MRPS30: variants seen among roughly 807,000 people sequenced by gnomAD.
The protein encoded by MRPS30 is large ribosomal subunit protein mL65.
A neutral mutation model predicts 43.8 loss-of-function variants in MRPS30; 42 were observed. The observed-to-expected ratio is 0.96, with a 90% confidence interval of 0.75 to 1.24. The LOEUF is 1.24. Among genes scored for constraint, MRPS30 ranks in the 50% most tolerant of loss-of-function variants. The probability of loss-of-function intolerance (pLI) is 0.00; values close to 1 mark genes in which losing one functional copy is unlikely to be tolerated. For missense variants in MRPS30, 638 were observed against 570.0 expected, an observed-to-expected ratio of 1.12 and a Z score of -1.22; for synonymous variants, 273 against 228.2, an observed-to-expected ratio of 1.20 and a Z score of -1.77.
chr5:44,810,946 C>G lies in MRPS30; in HGVS notation c.602-63C>G. On this transcript the variant is annotated intron_variant, in intron 1 of 4. Coordinates refer to ENST00000507110, the MANE Select transcript of MRPS30 (RefSeq NM_016640.4). ...TGCTAAGTTAGTACTCTTTAGTGTTCTAATAGTAACCAAATTTATTTAGAT... is the reference window on the plus strand; with the variant it reads ...TGCTAAGTTAGTACTCTTTAGTGTTGTAATAGTAACCAAATTTATTTAGAT... 3 of 1,468,222 alleles carry G rather than the reference C, an allele frequency of 2.0e-6. No homozygotes were observed. In the South Asian group the frequency reaches 3.6e-5, roughly 18 times the overall value. The allele number at this position is 1,468,222 out of a possible 1,614,324, so 90.9% of individuals were successfully genotyped here.
At chr5:44,811,512 GGGCCA>G (rs1742838898) in intron 2 of MRPS30, among the ~76,000 whole-genome samples, 2 of 152,136 alleles carry the variant, frequency 1.3e-5, no homozygotes, top group Non-Finnish European at 2.9e-5. Flanking sequence ...GTTATCAACT[GGGCCA>G]TTTTACATAT....
In MRPS30 at chr5:44,811,112, T is replaced by G; in HGVS notation, c.705T>G (p.Asp235Glu). 1 of 1,614,056 alleles carries G rather than the reference T, an allele frequency of 6.2e-7. No homozygotes were observed. The highest frequency in any genetic ancestry group is 8.5e-7 in the Non-Finnish European group (1 of 1,179,950). ...RIDDLRYQID[D>E]KPNNQIRISK... is the part of the protein sequence containing the mutation. ...ATGACTTGCGATACCAGATAGATGA[T>G]AAACCAAACAACCAGATTCGAATAT... Residue 235 changes from aspartate (D) to glutamate (E), a missense_variant, in exon 2 of 5, where the codon GAT becomes GAG. Asp to Glu is a conservative substitution (Grantham distance 45, BLOSUM62 2). Coordinates refer to ENST00000507110, the MANE Select transcript of MRPS30 (RefSeq NM_016640.4).
At chr5:44,810,295 G>A (rs1254616201) in intron 1 of MRPS30, among the ~76,000 whole-genome samples, 1 of 152,186 alleles carries the variant, frequency 6.6e-6, no homozygotes, top group Non-Finnish European at 1.5e-5. Context: ...TAAGAGATTA[G>A]GGGGTCAAAC....
chr5:44,812,562 A>T (rs981536525), intron 3 of MRPS30, among the ~76,000 whole-genome samples: 28 of 152,188 alleles, frequency 1.8e-4, no homozygotes, highest in African/African-American at 6.0e-4. Flanking sequence ...CTGTGGTCTT[A>T]GGGAGTGACC....
Position 44,815,347 on chromosome 5 carries a change from T to C in MRPS30, c.*145T>C. 1.4e-6 allele frequency: 1 copy of C among 694,688 alleles called. No homozygotes were observed. The highest frequency in any genetic ancestry group is 2.6e-5 in the South Asian group (1 of 37,760). The allele number at this position is 694,688 out of a possible 1,614,324, so 43.0% of individuals were successfully genotyped here. ...GTCAACCTGTTATTAGATCTCTTAC[T>C]CTGCTCAAATTCATCACTGAAAGAT... On this transcript the variant is annotated 3_prime_UTR_variant, in exon 5 of 5. Transcript: ENST00000507110.
At chr5:44,812,096 A>G in intron 3 of MRPS30, 76 bp downstream of exon 3, 1 of 988,188 alleles carries the variant, frequency 1.0e-6, no homozygotes, top group Non-Finnish European at 1.5e-6. Flanking sequence ...ATTGACTACA[A>G]TGAGGAATTA....
chr5:44,809,336 C>T lies in MRPS30; in HGVS notation c.374C>T (p.Pro125Leu). The change falls in exon 1 of 5, where the codon CCC (proline) becomes CTC (leucine). Residue 125 changes from proline to leucine, a missense_variant. By Grantham distance (98) the Pro-to-Leu change is moderately conservative. Coordinates refer to ENST00000507110, the MANE Select transcript of MRPS30 (RefSeq NM_016640.4). ...GGTCTGCCGCCGCCCCCAGCGGAGC[C>T]CGAGCCCGAGCCCGAACCCGAACCT... ...LSGLPPPPAE[P>L]EPEPEPEPEP... is the part of the protein sequence containing the mutation. 3 of 1,608,148 alleles carry T rather than the reference C, an allele frequency of 1.9e-6. No homozygotes were observed. The highest frequency in any genetic ancestry group is 1.3e-5 in the African/African-American group (1 of 74,652).
intron 3 of MRPS30, 49 bp downstream of exon 3, chr5:44,812,069 G>C (rs757479414): frequency 7.4e-7 from 1 of 1,349,978 alleles, no homozygotes. Flanking sequence ...TCCAAGTGTC[G>C]TATGCAAATT....
intron 1 of MRPS30, 62 bp downstream of exon 1, chr5:44,809,625 G>C: frequency 6.9e-7 from 1 of 1,449,600 alleles, no homozygotes; most frequent in South Asian, 1.3e-5. Flanking sequence ...GGGTTACTCT[G>C]CCGCAGATTT....
chr5:44,811,897 C>A lies in MRPS30; in HGVS notation c.748-18C>A. 2.1e-6 allele frequency: 3 copies of A among 1,411,216 alleles called. No homozygotes were observed. The highest frequency in any genetic ancestry group is 1.9e-6 in the Non-Finnish European group (2 of 1,039,614). The allele number at this position is 1,411,216 out of a possible 1,614,324, so 87.4% of individuals were successfully genotyped here. A position where few individuals can be genotyped will look rare whatever the true frequency, so the allele number is the denominator to read the frequency against. The stretch of plus-strand genomic sequence containing the variant: ...TAATGTTGCTGTGAATTTAGTATGT[C>A]TTTTCTTTTTCTTTAAGTTTGTGCC... On this transcript the variant is annotated intron_variant, in intron 2 of 4. Coordinates refer to ENST00000507110, the MANE Select transcript of MRPS30 (RefSeq NM_016640.4).
At position 44,814,873 on chromosome 5, in the gene MRPS30, A is replaced by T. The variant is rs1742893758; in HGVS notation, c.1031-40A>T. The T allele has an allele frequency of 1.9e-6, 3 of 1,539,596 alleles. No individual in the cohort carries two copies. In the African/African-American group the frequency reaches 4.1e-5, roughly 21 times the overall value. ...TGTGATTGTTTTGTTTGGGTAAGAT[A>T]TATTCTATGTGTAAATTTCAGCATA... On this transcript the variant is annotated intron_variant, in intron 4 of 4. Coordinates refer to ENST00000507110, the MANE Select transcript of MRPS30 (RefSeq NM_016640.4).
chr5:44,809,047 A>C lies in MRPS30; in HGVS notation c.85A>C (p.Thr29Pro), dbSNP rs779270630. ...CGCGGCTAATGCCGCCGCCACGGCT[A>C]CAGAAACGACCTGCCAAGACGTCGC... ...HTAANAAATA[T>P]ETTCQDVAAT... The change falls in exon 1 of 5, where the codon ACA becomes CCA. Residue 29 changes from threonine (T) to proline (P), a missense_variant. Coordinates refer to ENST00000507110, the MANE Select transcript of MRPS30 (RefSeq NM_016640.4). 6.2e-7 allele frequency: 1 copy of C among 1,610,792 alleles called. No individual in the cohort carries two copies. Among genetic ancestry groups the C allele is most frequent in the South Asian group, 1.1e-5 (1 of 90,852 alleles).
At chr5:44,809,830 TTGTGAG>T (rs1255647059) in intron 1 of MRPS30, 1 of 448,938 alleles carries the variant, frequency 2.2e-6, no homozygotes, top group African/African-American at 2.0e-5. Flanking sequence ...GGATTCTACT[TTGTGAG>T]TGTTCAGCCA....
rs751131388 is a variant in MRPS30 at position 44,811,149 on chromosome 5, G to A, written c.742G>A (p.Ala248Thr). 9.3e-6 allele frequency: 15 copies of A among 1,613,676 alleles called. No homozygotes were observed. The Admixed American group carries it at 1.0e-4, about 11-fold the overall frequency. ...NNQIRISKQL[A>T]EFVPLDYSVP... Reference sequence around the variant, plus strand: ...CCAGATTCGAATATCCAAGCAACTCGCAGAGGTAAGGATTTATTGCGATTA... The same window carrying A: ...CCAGATTCGAATATCCAAGCAACTCACAGAGGTAAGGATTTATTGCGATTA... The change falls in exon 2 of 5, where the codon GCA becomes ACA. Residue 248 changes from alanine to threonine, a missense_variant. Physicochemically the swap from Ala to Thr is moderately conservative, Grantham distance 58. Transcript: ENST00000507110.
Position 44,809,372 on chromosome 5 carries a change from T to A in MRPS30, c.410T>A (p.Leu137Gln). 4 of 1,608,326 alleles carry A rather than the reference T, an allele frequency of 2.5e-6. No homozygotes were observed. Among genetic ancestry groups the A allele is most frequent in the Non-Finnish European group, 3.4e-6 (4 of 1,177,388 alleles). Residue 137 changes from leucine (L) to glutamine (Q), a missense_variant, in exon 1 of 5, where the codon CTG (leucine) becomes CAG (glutamine). Transcript: ENST00000507110. Reference sequence around the variant, plus strand: ...CCCGAACCCGAACCTGAACCTGCGCTGGACCTCGCGGCGCTGCGTGCGGTC... The same window carrying A: ...CCCGAACCCGAACCTGAACCTGCGCAGGACCTCGCGGCGCTGCGTGCGGTC... ...PEPEPEPEPALDLAALRAVAC... is the reference protein window; with the variant it reads ...PEPEPEPEPAQDLAALRAVAC...
At chr5:44,810,880 A>G in intron 1 of MRPS30, 129 bp from the exon 2 acceptor site, 1 of 748,684 alleles carries the variant, frequency 1.3e-6, no homozygotes, top group Non-Finnish European at 2.1e-6. Context: ...AAATTACCAC[A>G]TAACCCAGAC....
Position 44,809,340 on chromosome 5 carries a change from G to GCCCGAGCCCGAA in MRPS30, c.384_395dup (p.Glu132_Pro135dup), listed in dbSNP as rs1288589933. The GCCCGAGCCCGAA allele has an allele frequency of 3.2e-5, 51 of 1,608,756 alleles. No individual in the cohort carries two copies. The highest frequency in any genetic ancestry group is 7.7e-5 in the South Asian group (7 of 90,620). ...TGCCGCCGCCCCCAGCGGAGCCCGAGCCCGAGCCCGAACCCGAACCTGAAC... is the reference window on the plus strand; with the variant it reads ...TGCCGCCGCCCCCAGCGGAGCCCGAGCCCGAGCCCGAACCCGAGCCCGAACCCGAACCTGAAC... On this transcript the variant is annotated inframe_insertion, in exon 1 of 5. Transcript: ENST00000507110.
Position 44,813,109 on chromosome 5 carries a change from C to G in MRPS30, c.857C>G (p.Ser286Ter). Residue 286 changes from serine (S) to a stop codon, truncating the protein, a stop_gained, in exon 4 of 5, where the codon TCA (serine) becomes TGA (stop). Coordinates refer to ENST00000507110, the MANE Select transcript of MRPS30 (RefSeq NM_016640.4). LOFTEE classifies it high-confidence loss of function. The part of the protein sequence containing the change: ...RQYENHIFVG[S>*]KTADPCCYGH... ...ATGTTTTTATTTTGCTCTTCAGGCTCAAAAACTGCAGATCCTTGCTGTTAC... is the reference window on the plus strand; with the variant it reads ...ATGTTTTTATTTTGCTCTTCAGGCTGAAAAACTGCAGATCCTTGCTGTTAC... 1.9e-6 allele frequency: 3 copies of G among 1,610,496 alleles called. No homozygotes were observed. Among genetic ancestry groups the G allele is most frequent in the Non-Finnish European group, 2.5e-6 (3 of 1,178,896 alleles).
intron 4 of MRPS30, 104 bp from the exon 5 acceptor site, chr5:44,814,809 C>CT (rs1742892438): frequency 9.7e-7 from 1 of 1,031,480 alleles, no homozygotes; most frequent in Admixed American, 2.5e-5. Context: ...CATAAAGTAT[C>CT]TAAGTTGTAG....
Sources: gnomAD v4.1 joint callset for allele counts (sites outside exome capture counted in the v4.1 genomes callset) on GRCh38, gnomAD v4.1.1 for gene constraint, MANE v1.5 for transcripts, NCBI Gene and HGNC (gene_info 2026-07-23, HGNC 2026-07-21) for gene names.